RPS25: variants seen among roughly 807,000 people sequenced by gnomAD.
RPS25 encodes the protein small ribosomal subunit protein eS25.
RPS25 carries 1 observed loss-of-function variant against 14.4 expected under a neutral mutation model. The ratio of observed to expected loss-of-function variants is 0.07; its 90% CI spans 0.02 to 0.33. The LOEUF (loss-of-function observed/expected upper bound fraction) is 0.33. Ranked by LOEUF, RPS25 falls within the 10% of genes least tolerant of loss-of-function variation. RPS25 has a pLI of 1.00. For synonymous variants in RPS25, 63 were observed against 53.8 expected, an observed-to-expected ratio of 1.17 and a Z score of -0.75; for missense variants, 65 against 144.6, an observed-to-expected ratio of 0.45 and a Z score of 2.82.
chr11:119,016,634 A>ACC (rs11297997), intron 3 of RPS25, among the ~76,000 whole-genome samples: 15 of 101,824 alleles, frequency 1.5e-4, no homozygotes, highest in East Asian at 8.3e-4. Context: ...ATTATCTTCC[A>ACC]CCCCCCCCCC....
At chr11:119,016,187 C>G (rs576617301) in intron 3 of RPS25, among the ~76,000 whole-genome samples, 1 of 152,108 alleles carries the variant, frequency 6.6e-6, no homozygotes, top group Non-Finnish European at 1.5e-5. Context: ...ACTTGGGAAG[C>G]TGAGGTGAGG....
At chr11:119,018,104 C>T (rs782810002) in intron 1 of RPS25, 51 bp from the exon 2 acceptor site, 4 of 1,581,520 alleles carry the variant, frequency 2.5e-6, no homozygotes, top group East Asian at 2.2e-5. Flanking sequence ...GCGCCAAAGT[C>T]CCCTAATACT....
rs183037053 is a variant in RPS25 at position 119,015,870 on chromosome 11, G to C, written c.353C>G (p.Ala118Gly). The C allele has an allele frequency of 6.2e-7, 1 of 1,609,610 alleles. No individual in the cohort carries two copies. Among genetic ancestry groups the C allele is most frequent in the Non-Finnish European group, 8.5e-7 (1 of 1,175,890 alleles). Residue 118 changes from alanine to glycine, a missense_variant, in exon 4 of 5, where the codon GCT becomes GGT. Ala to Gly is a moderately conservative substitution (Grantham distance 60). Coordinates refer to ENST00000527673, the MANE Select transcript of RPS25 (RefSeq NM_001028.3). ...TCATGCATCTTCACCAGCAGCTGGA[G>C]CATCTCCACCCTTGGTATTTCTGGT... The part of the protein sequence containing the change: ...IYTRNTKGGD[A>G]PAAGEDA
At chr11:119,017,822 G>T in intron 2 of RPS25, 136 bp downstream of exon 2, 1 of 750,726 alleles carries the variant, frequency 1.3e-6, no homozygotes. Flanking sequence ...AGAACGAGTG[G>T]TGACGGGAAG....
At position 119,018,274 on chromosome 11, in the gene RPS25, A is replaced by G; in HGVS notation, c.3+8T>C. Reference sequence around the variant, plus strand: ...GAACGCCGGCGACTTCACACCCCTGAAGCTTACCATTGCGAAGCTCGGAGA... The same window carrying G: ...GAACGCCGGCGACTTCACACCCCTGGAGCTTACCATTGCGAAGCTCGGAGA... On this transcript the variant is annotated splice_region_variant and intron_variant, in intron 1 of 4. Transcript: ENST00000527673. 6.2e-7 allele frequency: 1 copy of G among 1,614,090 alleles called. No homozygotes were observed. The highest frequency in any genetic ancestry group is 8.5e-7 in the Non-Finnish European group (1 of 1,179,976).
chr11:119,016,964 C>A (rs545181504), intron 3 of RPS25, among the ~76,000 whole-genome samples: 3 of 152,220 alleles, frequency 2.0e-5, no homozygotes, highest in Non-Finnish European at 4.4e-5. Context: ...GACCATACTA[C>A]TGAGTAGACC....
At chr11:119,015,984 A>G (rs782808309) in intron 3 of RPS25, 45 bp from the exon 4 acceptor site, 47 of 1,213,016 alleles carry the variant, frequency 3.9e-5, no homozygotes, top group Admixed American at 2.0e-4. Flanking sequence ...CAGATGCTAC[A>G]ATAGAAACTA....
chr11:119,017,677 C>T (rs1455031466), intron 2 of RPS25, 132 bp from the exon 3 acceptor site: 3 of 759,146 alleles, frequency 4.0e-6, no homozygotes, highest in Non-Finnish European at 5.9e-6. Context: ...AAAACAAAAA[C>T]AAAAAAAAAA....
In RPS25 at chr11:119,018,326, A is replaced by C. The variant is rs1943217431; in HGVS notation, c.-42T>G. On this transcript the variant is annotated 5_prime_UTR_variant, in exon 1 of 5. Coordinates refer to ENST00000527673, the MANE Select transcript of RPS25 (RefSeq NM_001028.3). ...TAGCAGCAGACACCGCAGCCTCGTC[A>C]AGATGTCGGACAAAAAGGAAGCGCT... The C allele has an allele frequency of 6.2e-7, 1 of 1,613,916 alleles. No individual in the cohort carries two copies. The highest frequency in any genetic ancestry group is 1.7e-5 in the Admixed American group (1 of 59,988).
At chr11:119,016,633 C>A (rs1381730651) in intron 3 of RPS25, among the ~76,000 whole-genome samples, 2 of 140,736 alleles carry the variant, frequency 1.4e-5, no homozygotes, top group Non-Finnish European at 3.0e-5. Context: ...CATTATCTTC[C>A]ACCCCCCCCC....
At position 119,018,291 on chromosome 11, in the gene RPS25, G is replaced by A. The variant is rs1169870502; in HGVS notation, c.-7C>T. 17 of 1,614,054 alleles carry A rather than the reference G, an allele frequency of 1.1e-5. No homozygotes were observed. Among genetic ancestry groups the A allele is most frequent in the Non-Finnish European group, 1.3e-5 (15 of 1,180,030 alleles). On this transcript the variant is annotated 5_prime_UTR_variant, in exon 1 of 5. Coordinates refer to ENST00000527673, the MANE Select transcript of RPS25 (RefSeq NM_001028.3). ...CACCCCTGAAGCTTACCATTGCGAA[G>A]CTCGGAGAATAGCAGCAGACACCGC...
At position 119,015,743 on chromosome 11, in the gene RPS25, G is replaced by A. The variant is rs1943139342; in HGVS notation, c.*20C>T. ...TTAATAAAGTTTTATTTTTCCAAAT[G>A]TACAGCTGGTTGGACCTGTAAAAAA... is the stretch of plus-strand genomic sequence containing the variant. On this transcript the variant is annotated 3_prime_UTR_variant, in exon 5 of 5. Coordinates refer to ENST00000527673, the MANE Select transcript of RPS25 (RefSeq NM_001028.3). The A allele has an allele frequency of 3.2e-6, 4 of 1,256,268 alleles. No homozygotes were observed. Among genetic ancestry groups the A allele is most frequent in the Middle Eastern group, 1.9e-4 (1 of 5,180 alleles). 77.8% of individuals were successfully genotyped at this position (1,256,268 alleles called of 1,614,324 possible). A position where few individuals can be genotyped will look rare whatever the true frequency, so the allele number is the denominator to read the frequency against.
chr11:119,017,660 C>T (rs1328343151), intron 2 of RPS25, 115 bp from the exon 3 acceptor site: 1 of 987,144 alleles, frequency 1.0e-6, no homozygotes, highest in Non-Finnish European at 1.5e-6. Context: ...ATAAATTACA[C>T]ATTACTAAAA....
In RPS25 at chr11:119,017,257, GCT is replaced by G. The variant is rs1491385194; in HGVS notation, c.283+103_283+104del. 1.8e-5 allele frequency: 15 copies of G among 820,066 alleles called. No homozygotes were observed. The African/African-American group carries it at 2.6e-4, about 14-fold the overall frequency. 50.8% of individuals were successfully genotyped at this position (820,066 alleles called of 1,614,324 possible). ...TACTAACAGCCAATGGTCAAGCCAC[GCT>G]TTTTTTTTTTAATTCTGCTTTTCCA... On this transcript the variant is annotated intron_variant, in intron 3 of 4. Coordinates refer to ENST00000527673, the MANE Select transcript of RPS25 (RefSeq NM_001028.3).
intron 2 of RPS25, 129 bp downstream of exon 2, chr11:119,017,829 G>A (rs1233406601): frequency 2.6e-6 from 2 of 776,454 alleles, no homozygotes; most frequent in Non-Finnish European, 4.4e-6. Flanking sequence ...GTGGTGACGG[G>A]AAGATAAACT....
chr11:119,016,479 C>G (rs925923989), intron 3 of RPS25, among the ~76,000 whole-genome samples: 1 of 152,164 alleles, frequency 6.6e-6, no homozygotes, highest in Non-Finnish European at 1.5e-5. Context: ...CTCAAATGAT[C>G]CTCCTGCTTT....
At chr11:119,017,752 G>T in intron 2 of RPS25, 1 of 661,468 alleles carries the variant, frequency 1.5e-6, no homozygotes, top group Non-Finnish European at 2.6e-6. Flanking sequence ...AAATAACACA[G>T]CAGGCACAGC....
Position 119,016,778 on chromosome 11 carries a change from G to A in RPS25, c.283+584C>T, listed in dbSNP as rs188062841. Among the ~76,000 whole-genome samples the A allele has an allele frequency of 6.6e-5, 10 of 152,076 alleles. No individual in the cohort carries two copies. In the East Asian group the frequency reaches 1.7e-3, roughly 27 times the overall value. ...CCTGAGTAGCTGGGATTACAGACGT[G>A]TGCCCCCACGTCCAGCTAACTTTCA... On this transcript the variant is annotated intron_variant, in intron 3 of 4. Transcript: ENST00000527673.
intron 2 of RPS25, 126 bp from the exon 3 acceptor site, chr11:119,017,671 CAAAAACA>C (rs200734695): frequency 0.014 from 12,915 of 898,466 alleles, 185 homozygotes; most frequent in East Asian, 0.041. Flanking sequence ...ATTACTAAAA[CAAAAACA>C]AAAAAAAAAC....
Sources: allele counts gnomAD v4.1 joint callset (sites outside exome capture counted in the v4.1 genomes callset), GRCh38; gene constraint gnomAD v4.1.1; transcripts MANE v1.5; gene names NCBI Gene and HGNC (gene_info 2026-07-23, HGNC 2026-07-21).